The following KLF12 variants were observed in gnomAD, a reference collection of about 807,000 sequenced individuals.
KLF12 encodes the protein Krueppel-like factor 12.
In KLF12, 9 loss-of-function variants were observed where a neutral mutation model predicts 37.8. That is an observed-to-expected ratio of 0.24 (90% confidence interval 0.14 to 0.42). KLF12 has a LOEUF of 0.42. Ranked by LOEUF, KLF12 falls within the 10% of genes least tolerant of loss-of-function variation. KLF12 has a pLI of 1.00. For missense variants in KLF12, 411 were observed against 516.0 expected (o/e 0.80, Z 1.97); for synonymous variants, 208 against 202.1 (o/e 1.03, Z -0.25).
intron 6 of KLF12, among the ~76,000 whole-genome samples, chr13:73,734,619 G>A (rs1382745389): frequency 6.6e-6 from 1 of 150,918 alleles, no homozygotes; most frequent in Non-Finnish European, 1.5e-5. Flanking sequence ...TTCCTTTTTT[G>A]GGGGGGTGGG....
the KLF12 span, among the ~76,000 whole-genome samples, chr13:74,207,423 C>T: frequency 2.6e-5 from 4 of 152,160 alleles, no homozygotes; most frequent in East Asian, 7.7e-4. Context: ...TGCCTGTAAT[C>T]CCAGCACTTT....
chr13:74,148,312 T>C, the KLF12 span, among the ~76,000 whole-genome samples: 1 of 152,140 alleles, frequency 6.6e-6, no homozygotes, highest in Non-Finnish European at 1.5e-5. Flanking sequence ...AGAAAATAAA[T>C]TTAAAAACCA....
At chr13:74,301,488 T>C in the KLF12 span, among the ~76,000 whole-genome samples, 1 of 152,220 alleles carries the variant, frequency 6.6e-6, no homozygotes, top group Admixed American at 6.5e-5. Context: ...AAATGAACTT[T>C]TACAGGCCTC....
rs115713293 is a variant in KLF12 at position 73,879,798 on chromosome 13, T to A, written c.124-33425A>T. ...ATAGTGGACATGGAACACCACGCCC[T>A]CTCATTTGCATATCCCCCTCCAGCT... is the stretch of plus-strand genomic sequence containing the variant. On this transcript the variant is annotated intron_variant, in intron 3 of 7. Coordinates refer to ENST00000377669, the MANE Select transcript of KLF12 (RefSeq NM_007249.5). Among the ~76,000 whole-genome samples the A allele has an allele frequency of 3.8e-3, 574 of 152,266 alleles. 5 individuals are homozygous for A. Among genetic ancestry groups the A allele is most frequent in the African/African-American group, 0.013 (545 of 41,562 alleles).
intron 6 of KLF12, among the ~76,000 whole-genome samples, chr13:73,763,194 C>T (rs117926424): frequency 9.1e-4 from 139 of 152,052 alleles, no homozygotes; most frequent in Non-Finnish European, 1.7e-3. Flanking sequence ...AATAAAGCTG[C>T]TAACTTCTCC....
chr13:74,155,565 G>T, the KLF12 span, among the ~76,000 whole-genome samples: 1 of 152,038 alleles, frequency 6.6e-6, no homozygotes, highest in Non-Finnish European at 1.5e-5. Flanking sequence ...GTTTCACCAT[G>T]TTGGCCAGGC....
At chr13:74,301,385 C>T in the KLF12 span, among the ~76,000 whole-genome samples, 10 of 152,262 alleles carry the variant, frequency 6.6e-5, no homozygotes, top group South Asian at 1.9e-3. Context: ...CCCAATACAG[C>T]ATTTTGTTAT....
At chr13:74,287,638 T>C in the KLF12 span, among the ~76,000 whole-genome samples, 10 of 152,348 alleles carry the variant, frequency 6.6e-5, no homozygotes, top group Admixed American at 3.9e-4. Context: ...TAGATTGCTA[T>C]GTTTTTCTTT....
chr13:74,141,174 T>C, the KLF12 span, among the ~76,000 whole-genome samples: 1 of 152,134 alleles, frequency 6.6e-6, no homozygotes, highest in Non-Finnish European at 1.5e-5. Flanking sequence ...ACATTACAAA[T>C]TCAGACTCTT....
At chr13:73,914,270 C>T (rs1224706195) in intron 3 of KLF12, among the ~76,000 whole-genome samples, 2 of 152,248 alleles carry the variant, frequency 1.3e-5, no homozygotes, top group Admixed American at 1.3e-4. Flanking sequence ...CTATGTGGCT[C>T]ACTCTGCTGT....
chr13:74,211,350 G>A, the KLF12 span, among the ~76,000 whole-genome samples: 2 of 152,124 alleles, frequency 1.3e-5, no homozygotes, highest in Non-Finnish European at 2.9e-5. Flanking sequence ...CCAACCATCA[G>A]GTCGGGGTAA....
chr13:73,703,687 T>A (rs1874719245), intron 7 of KLF12, among the ~76,000 whole-genome samples: 1 of 152,212 alleles, frequency 6.6e-6, no homozygotes, highest in African/African-American at 2.4e-5. Flanking sequence ...GGATATTACC[T>A]CATTTAATTT....
At chr13:74,101,740 G>T (rs1232632253) in intron 1 of KLF12, among the ~76,000 whole-genome samples, 1 of 152,174 alleles carries the variant, frequency 6.6e-6, no homozygotes, top group South Asian at 2.1e-4. Context: ...ACAGTAATGG[G>T]TTATAACCCA....
chr13:74,012,789 T>C (rs1593829447), intron 1 of KLF12, among the ~76,000 whole-genome samples: 1 of 151,922 alleles, frequency 6.6e-6, no homozygotes, highest in African/African-American at 2.4e-5. Context: ...TTCAGTTCCT[T>C]TACAACTAGC....
At chr13:74,137,833 T>C (rs7985338), upstream of KLF12, among the ~76,000 whole-genome samples, 7 of 152,238 alleles carry the variant, frequency 4.6e-5, no homozygotes, top group African/African-American at 1.7e-4. Flanking sequence ...CGATTTCGGC[T>C]CACTGCAACC....
At chr13:73,844,797 C>G (rs899775210) in intron 4 of KLF12, 38 of 152,056 alleles carry the variant, frequency 2.5e-4, no homozygotes, top group African/African-American at 8.9e-4. Flanking sequence ...TAATTACAGG[C>G]CTCAGTAGTA....
chr13:73,914,262 A>G (rs1234632880), intron 3 of KLF12, among the ~76,000 whole-genome samples: 1 of 152,054 alleles, frequency 6.6e-6, no homozygotes, highest in Admixed American at 6.5e-5. Context: ...CACTCTCCCT[A>G]TGTGGCTCAC....
intron 1 of KLF12, among the ~76,000 whole-genome samples, chr13:74,106,358 TTAAA>T (rs1876649078): frequency 6.6e-6 from 1 of 152,188 alleles, no homozygotes; most frequent in African/African-American, 2.4e-5. Flanking sequence ...ATTTATTACT[TTAAA>T]TACTGGTGAA....
At chr13:74,262,330 C>T in the KLF12 span, among the ~76,000 whole-genome samples, 1 of 152,100 alleles carries the variant, frequency 6.6e-6, no homozygotes, top group African/African-American at 2.4e-5. Context: ...AACCTGTAGC[C>T]TGAGACATTA....
Sources: gnomAD v4.1 joint callset for allele counts (sites outside exome capture counted in the v4.1 genomes callset) on GRCh38, gnomAD v4.1.1 for gene constraint, MANE v1.5 for transcripts, NCBI Gene and HGNC (gene_info 2026-07-23, HGNC 2026-07-21) for gene names.